Variants in TPTE2 observed in about 807,000 individuals in gnomAD.
TPTE2 encodes phosphatidylinositol 3,4,5-trisphosphate 3-phosphatase TPTE2.
In TPTE2, 53 loss-of-function variants were observed where a neutral mutation model predicts 78.6. The ratio of observed to expected loss-of-function variants is 0.67; its 90% CI spans 0.54 to 0.85. The LOEUF is 0.85. Among genes scored for constraint, TPTE2 ranks in the 40% least tolerant of loss-of-function variants. The probability of loss-of-function intolerance (pLI) is 0.00; values close to 1 mark genes in which losing one functional copy is unlikely to be tolerated. For missense variants in TPTE2, 461 were observed against 623.0 expected, an observed-to-expected ratio of 0.74 and a Z score of 2.77; for synonymous variants, 175 against 206.2, an observed-to-expected ratio of 0.85 and a Z score of 1.30.
upstream of TPTE2, among the ~76,000 whole-genome samples, chr13:19,541,139 A>G (rs36031009): frequency 6.6e-6 from 1 of 152,170 alleles, no homozygotes. Flanking sequence ...GTCAGCTGGG[A>G]GTTTCCATCA....
At chr13:19,558,607 GT>G in the TPTE2 span, among the ~76,000 whole-genome samples, 1 of 152,214 alleles carries the variant, frequency 6.6e-6, no homozygotes, top group Non-Finnish European at 1.5e-5. Flanking sequence ...CTGTGAGACA[GT>G]GGGAAAACAC....
At chr13:19,520,741 T>C (rs764472525) in intron 1 of TPTE2, among the ~76,000 whole-genome samples, 5 of 152,016 alleles carry the variant, frequency 3.3e-5, no homozygotes, top group Non-Finnish European at 7.4e-5. Context: ...CACCTATAAA[T>C]TTCCCTTTAA....
At position 19,474,078 on chromosome 13, in the gene TPTE2, AAAATAAATAAATAAATAAAT is replaced by A. The variant is rs58776475; in HGVS notation, c.231-23_231-4del. The A allele has an allele frequency of 4.7e-5, 66 of 1,399,318 alleles. 1 individual carries two copies. Among genetic ancestry groups the A allele is most frequent in the South Asian group, 1.0e-4 (7 of 69,696 alleles). The allele number at this position is 1,399,318 out of a possible 1,614,324, so 86.7% of individuals were successfully genotyped here. On this transcript the variant is annotated splice_region_variant and splice_polypyrimidine_tract_variant and intron_variant, in intron 5 of 19. Coordinates refer to ENST00000400230, the Ensembl canonical transcript of TPTE2. ...AGACCAGGAAAACTCCAAATATTCT[AAAATAAATAAATAAATAAAT>A]AAATAAATAAATAAATAAATAAATG...
At chr13:19,461,776 G>A (rs186155421) in intron 10 of TPTE2, among the ~76,000 whole-genome samples, 7 of 152,114 alleles carry the variant, frequency 4.6e-5, no homozygotes, top group Admixed American at 1.3e-4. Context: ...TCTTCATACA[G>A]TTTGACTTAA....
At chr13:19,536,650 T>G (rs1300355978) in exon 1 of TPTE2, 1 of 152,200 alleles carries the variant, frequency 6.6e-6, no homozygotes, top group Non-Finnish European at 1.5e-5. Flanking sequence ...TATAGCTCTA[T>G]TTCAATCATT....
chr13:19,476,696 C>A (rs958828019), intron 4 of TPTE2, among the ~76,000 whole-genome samples: 1 of 152,056 alleles, frequency 6.6e-6, no homozygotes, highest in African/African-American at 2.4e-5. Flanking sequence ...ATGGCTATTA[C>A]TAAAAAGTCA....
At chr13:19,497,370 GC>G (rs1490622429) in intron 1 of TPTE2, among the ~76,000 whole-genome samples, 1 of 135,752 alleles carries the variant, frequency 7.4e-6, no homozygotes, top group African/African-American at 2.6e-5. Context: ...CAAAAAGACA[GC>G]AGTAACCTCT....
At chr13:19,432,637 CTTTTT>C (rs71092355) in intron 15 of TPTE2, 59 bp from the exon 19 acceptor site, 9,737 of 662,508 alleles carry the variant, frequency 0.015, no homozygotes, top group South Asian at 0.02. Context: ...GTCAGCATTC[CTTTTT>C]TTTTTTTTTT....
chr13:19,502,998 A>G (rs1021878995), intron 1 of TPTE2, among the ~76,000 whole-genome samples: 1 of 152,142 alleles, frequency 6.6e-6, no homozygotes, highest in African/African-American at 2.4e-5. Context: ...AAAGAATTGG[A>G]AACCCTGTTA....
At position 19,482,657 on chromosome 13, in the gene TPTE2, A is replaced by G. The variant is rs567478129; in HGVS notation, c.120-110T>C. 2.3e-5 allele frequency: 32 copies of G among 1,387,226 alleles called. No individual in the cohort carries two copies. The South Asian group carries it at 4.1e-4, about 18-fold the overall frequency. The allele number at this position is 1,387,226 out of a possible 1,614,324, so 85.9% of individuals were successfully genotyped here. A position where few individuals can be genotyped will look rare whatever the true frequency, so the allele number is the denominator to read the frequency against. On this transcript the variant is annotated intron_variant, in intron 3 of 19. Transcript: ENST00000400230. Reference sequence around the variant, plus strand: ...AGAATCCCATGAATCTAAAGGATATAGTAAACATGACTTAGCTCACTGGAA... The same window carrying G: ...AGAATCCCATGAATCTAAAGGATATGGTAAACATGACTTAGCTCACTGGAA...
chr13:19,530,034 A>G (rs1373274306), intron 1 of TPTE2, among the ~76,000 whole-genome samples: 1 of 152,176 alleles, frequency 6.6e-6, no homozygotes, highest in African/African-American at 2.4e-5. Context: ...TCATCTTGTC[A>G]GCACATCTTG....
At chr13:19,439,985 A>C (rs1308458727) in intron 13 of TPTE2, among the ~76,000 whole-genome samples, 1 of 152,232 alleles carries the variant, frequency 6.6e-6, no homozygotes, top group Non-Finnish European at 1.5e-5. Context: ...AATTACTGGC[A>C]TGCCCTAGAG....
At chr13:19,491,569 T>C (rs1244410434) in intron 3 of TPTE2, among the ~76,000 whole-genome samples, 1 of 152,088 alleles carries the variant, frequency 6.6e-6, no homozygotes, top group African/African-American at 2.4e-5. Context: ...CTCATGACTG[T>C]AAACCCAGCA....
chr13:19,424,417 T>A (rs1266375465), intron 19 of TPTE2, among the ~76,000 whole-genome samples: 1 of 152,240 alleles, frequency 6.6e-6, no homozygotes, highest in Non-Finnish European at 1.5e-5. Context: ...GAAAGCCACA[T>A]TTGAATGGCT....
chr13:19,441,207 G>A (rs1314926988), intron 13 of TPTE2, among the ~76,000 whole-genome samples: 1 of 152,036 alleles, frequency 6.6e-6, no homozygotes, highest in Non-Finnish European at 1.5e-5. Context: ...ATAAGTGAAA[G>A]CTAAACAATG....
upstream of TPTE2, among the ~76,000 whole-genome samples, chr13:19,538,615 A>T (rs534554627): frequency 1.3e-3 from 189 of 148,888 alleles, 1 homozygote; most frequent in African/African-American, 4.5e-3. Context: ...TGCAACCTCC[A>T]CCTCCCAGGT....
At chr13:19,547,720 C>CATACATACATACATATATATAT in the TPTE2 span, among the ~76,000 whole-genome samples, 1 of 118,848 alleles carries the variant, frequency 8.4e-6, no homozygotes, top group African/African-American at 2.7e-5. Context: ...AATAAATATA[C>CATACATACATACATATATATAT]ATATATATAT....
chr13:19,513,966 A>AG (rs1460490616), intron 1 of TPTE2, among the ~76,000 whole-genome samples: 1 of 152,140 alleles, frequency 6.6e-6, no homozygotes, highest in African/African-American at 2.4e-5. Flanking sequence ...AACCTGAGGC[A>AG]GGGGCTCCAT....
At chr13:19,423,782 T>C (rs1424406439) in intron 19 of TPTE2, among the ~76,000 whole-genome samples, 54 of 152,304 alleles carry the variant, frequency 3.5e-4, no homozygotes, top group Admixed American at 3.5e-3. Context: ...AAAGTAAGAA[T>C]AAAAGTGATC....
Sources: allele counts gnomAD v4.1 joint callset (sites outside exome capture counted in the v4.1 genomes callset), GRCh38; gene constraint gnomAD v4.1.1; transcripts MANE v1.5; gene names NCBI Gene and HGNC (gene_info 2026-07-23, HGNC 2026-07-21).